PTPRD: variants seen among roughly 807,000 people sequenced by gnomAD.
The protein encoded by PTPRD is receptor-type tyrosine-protein phosphatase delta.
A neutral mutation model predicts 214.5 loss-of-function variants in PTPRD; 34 were observed. The ratio of observed to expected loss-of-function variants is 0.16; its 90% CI spans 0.12 to 0.21. PTPRD has a LOEUF of 0.21. Among genes scored for constraint, PTPRD ranks in the 10% least tolerant of loss-of-function variants. The pLI is 1.00. For synonymous variants in PTPRD, 1,128 were observed against 845.7 expected (o/e 1.33, Z -5.79); for missense variants, 2,545 against 2,398.7 (o/e 1.06, Z -1.27).
chr9:9,982,906 G>T (rs1038752397), intron 4 of PTPRD, among the ~76,000 whole-genome samples: 1 of 152,018 alleles, frequency 6.6e-6, no homozygotes, highest in African/African-American at 2.4e-5. Flanking sequence ...CTGTTCTGAC[G>T]AAGATGATTT....
chr9:8,800,504 C>T (rs1252862480), intron 11 of PTPRD, among the ~76,000 whole-genome samples: 1 of 152,136 alleles, frequency 6.6e-6, no homozygotes, highest in Non-Finnish European at 1.5e-5. Context: ...AAGATGGCCA[C>T]AAGAGTGACT....
At chr9:9,602,261 G>A (rs1333808587) in intron 7 of PTPRD, among the ~76,000 whole-genome samples, 1 of 151,904 alleles carries the variant, frequency 6.6e-6, no homozygotes, top group Admixed American at 6.6e-5. Flanking sequence ...ATGATAAAAT[G>A]CATTATACAA....
intron 33 of PTPRD, among the ~76,000 whole-genome samples, chr9:8,458,811 A>G (rs10122691): frequency 0.3 from 46,017 of 151,914 alleles, 7,327 homozygotes; most frequent in African/African-American, 0.42. Context: ...ATCAAATGAG[A>G]GGAGATTTTG....
At chr9:9,400,739 G>T (rs1312007980) in intron 8 of PTPRD, among the ~76,000 whole-genome samples, 3 of 152,052 alleles carry the variant, frequency 2.0e-5, no homozygotes, top group African/African-American at 4.8e-5. Flanking sequence ...TGACTCTAGT[G>T]ATGCTGGTAA....
At chr9:10,059,751 T>A (rs2097723088) in intron 3 of PTPRD, among the ~76,000 whole-genome samples, 1 of 151,312 alleles carries the variant, frequency 6.6e-6, no homozygotes. Flanking sequence ...AATATCTTAT[T>A]GGTTGAGAAC....
rs764544494 is a variant in PTPRD, at chr9:8,376,746, C to T, written c.4387-20G>A. 8 of 1,612,144 alleles carry T rather than the reference C, an allele frequency of 5.0e-6. No individual in the cohort carries two copies. The highest frequency in any genetic ancestry group is 2.2e-5 in the East Asian group (1 of 44,830). ...CTTCACCTACAAGAAACAAGTGACACATTCAGGGCAAATGCTCATCAATTT... is the reference window on the plus strand; with the variant it reads ...CTTCACCTACAAGAAACAAGTGACATATTCAGGGCAAATGCTCATCAATTT... On this transcript the variant is annotated intron_variant, in intron 37 of 45. Transcript: ENST00000381196.
intron 8 of PTPRD, among the ~76,000 whole-genome samples, chr9:9,412,596 C>T (rs1226288379): frequency 2.6e-5 from 4 of 152,124 alleles, no homozygotes; most frequent in South Asian, 2.1e-4. Flanking sequence ...AGTCACTACG[C>T]GAAGGGGTTT....
At chr9:10,500,526 G>A (rs2043341172) in intron 2 of PTPRD, among the ~76,000 whole-genome samples, 1 of 151,756 alleles carries the variant, frequency 6.6e-6, no homozygotes, top group Non-Finnish European at 1.5e-5. Context: ...ATCCCATCAA[G>A]CATTTATCCT....
Position 9,678,529 on chromosome 9 carries a change from C to T in PTPRD, c.-287+56004G>A, listed in dbSNP as rs1007388388. 2.0e-5 allele frequency among the ~76,000 whole-genome samples: 3 copies of T among 151,646 alleles called. No homozygotes were observed. In the Admixed American group the frequency reaches 2.0e-4, roughly 10 times the overall value. ...TAGAAAACTTACACAATAAAAAATCCTTCGTATTTTTATTAGATACCTCAA... is the reference window on the plus strand; with the variant it reads ...TAGAAAACTTACACAATAAAAAATCTTTCGTATTTTTATTAGATACCTCAA... On this transcript the variant is annotated intron_variant, in intron 7 of 45. Transcript: ENST00000381196.
At chr9:8,725,598 C>T (rs2098548480) in intron 12 of PTPRD, among the ~76,000 whole-genome samples, 1 of 152,104 alleles carries the variant, frequency 6.6e-6, no homozygotes, top group South Asian at 2.1e-4. Context: ...GGAAATGACA[C>T]AAACTAATGA....
At chr9:9,447,209 T>C (rs1234097976) in intron 8 of PTPRD, among the ~76,000 whole-genome samples, 1 of 152,166 alleles carries the variant, frequency 6.6e-6, no homozygotes, top group Non-Finnish European at 1.5e-5. Context: ...TAATGACACA[T>C]GCACATGTAT....
chr9:8,332,077 C>T (rs182287198), intron 43 of PTPRD, among the ~76,000 whole-genome samples: 5 of 152,220 alleles, frequency 3.3e-5, no homozygotes, highest in African/African-American at 1.2e-4. Context: ...AACCATTCAT[C>T]ATGTCTGCAT....
intron 5 of PTPRD, among the ~76,000 whole-genome samples, chr9:9,893,054 G>C (rs901301429): frequency 6.6e-6 from 1 of 152,078 alleles, no homozygotes; most frequent in African/African-American, 2.4e-5. Context: ...TGAGTAGGCA[G>C]TGGGAAGTAA....
At chr9:8,969,548 A>G (rs2154330587) in intron 11 of PTPRD, among the ~76,000 whole-genome samples, 1 of 152,214 alleles carries the variant, frequency 6.6e-6, no homozygotes, top group East Asian at 1.9e-4. Context: ...AGCAATATGG[A>G]TGAAATTTCA....
At chr9:9,715,652 G>C (rs2097807474) in intron 7 of PTPRD, among the ~76,000 whole-genome samples, 1 of 152,072 alleles carries the variant, frequency 6.6e-6, no homozygotes, top group Non-Finnish European at 1.5e-5. Context: ...ACTTCATCTG[G>C]ATGGAGAAAA....
intron 7 of PTPRD, among the ~76,000 whole-genome samples, chr9:9,684,008 G>A (rs2097124111): frequency 6.6e-6 from 1 of 151,528 alleles, no homozygotes; most frequent in South Asian, 2.1e-4. Context: ...GGGCTTCTTT[G>A]TAGCCTAAAG....
chr9:9,131,712 C>G (rs1231781428), intron 10 of PTPRD, among the ~76,000 whole-genome samples: 2 of 152,116 alleles, frequency 1.3e-5, no homozygotes, highest in Admixed American at 1.3e-4. Flanking sequence ...TATAAAAAAT[C>G]TCAATTGTAA....
At chr9:9,585,217 A>G (rs2154318547) in intron 7 of PTPRD, among the ~76,000 whole-genome samples, 2 of 152,158 alleles carry the variant, frequency 1.3e-5, no homozygotes, top group Middle Eastern at 3.4e-3. Context: ...CAGCATGTTT[A>G]TCTCAGTAGC....
chr9:10,184,779 A>G (rs2099321223), intron 3 of PTPRD, among the ~76,000 whole-genome samples: 1 of 152,204 alleles, frequency 6.6e-6, no homozygotes, highest in Non-Finnish European at 1.5e-5. Flanking sequence ...CAAAGTGATA[A>G]ATGCGAGGTT....
Sources: allele counts gnomAD v4.1 joint callset (sites outside exome capture counted in the v4.1 genomes callset), GRCh38; gene constraint gnomAD v4.1.1; transcripts MANE v1.5; gene names NCBI Gene and HGNC (gene_info 2026-07-23, HGNC 2026-07-21).